DLG2: variants seen among roughly 807,000 people sequenced by gnomAD.
DLG2 encodes disks large homolog 2.
A neutral mutation model predicts 132.5 loss-of-function variants in DLG2; 45 were observed. The ratio of observed to expected loss-of-function variants is 0.34; its 90% confidence interval spans 0.27 to 0.44. DLG2 has a LOEUF of 0.44. Ranked by LOEUF, DLG2 falls within the 20% of genes least tolerant of loss-of-function variation. DLG2 has a pLI of 1.00. For synonymous variants in DLG2, 424 were observed against 419.6 expected (o/e 1.01, Z -0.13); for missense variants, 1,045 against 1,196.9 (o/e 0.87, Z 1.87).
intron 6 of DLG2, among the ~76,000 whole-genome samples, chr11:84,802,098 TAA>T (rs567012280): frequency 1.5e-5 from 2 of 132,876 alleles, no homozygotes; most frequent in Admixed American, 7.7e-5. Flanking sequence ...TACTTTTAGT[TAA>T]AAAAAAAAAG....
chr11:83,949,849 G>A (rs7924381), intron 14 of DLG2, among the ~76,000 whole-genome samples: 29,400 of 151,924 alleles, frequency 0.19, 4,001 homozygotes, highest in African/African-American at 0.39. Flanking sequence ...AAATACTAGA[G>A]TTGAAAAAAA....
chr11:84,786,254 G>A (rs2072875499), intron 6 of DLG2, among the ~76,000 whole-genome samples: 1 of 151,984 alleles, frequency 6.6e-6, no homozygotes, highest in Non-Finnish European at 1.5e-5. Flanking sequence ...CCTCAATTTT[G>A]TACCTGAAAA....
At chr11:85,073,746 T>C (rs963901246) in intron 6 of DLG2, among the ~76,000 whole-genome samples, 4 of 151,868 alleles carry the variant, frequency 2.6e-5, no homozygotes, top group East Asian at 1.9e-4. Context: ...AATCCCACTA[T>C]TGGGCATATA....
intron 18 of DLG2, among the ~76,000 whole-genome samples, chr11:83,737,343 G>C (rs1050846947): frequency 7.9e-5 from 12 of 152,154 alleles, no homozygotes; most frequent in Admixed American, 5.9e-4. Flanking sequence ...AAAGTGAGTG[G>C]AGGAGAAAAG....
In DLG2 at chr11:84,042,265, C is replaced by T. The variant is rs150220554; in HGVS notation, c.919+17050G>A. ...TTCCTTTATGTGTCTTGTCTATTTT[C>T]AGAATCTATAGTCTTTAACTTTGAT... On this transcript the variant is annotated intron_variant, in intron 11 of 27. Coordinates refer to ENST00000376104, the MANE Select transcript of DLG2 (RefSeq NM_001142699.3). Among the ~76,000 whole-genome samples, 647 of 151,894 alleles carry T rather than the reference C, an allele frequency of 4.3e-3. 5 individuals carry two copies. The highest frequency in any genetic ancestry group is 0.015 in the African/African-American group (624 of 41,486).
intron 8 of DLG2, among the ~76,000 whole-genome samples, chr11:84,210,431 A>G (rs1275888435): frequency 1.3e-5 from 2 of 150,838 alleles, no homozygotes; most frequent in Non-Finnish European, 3.0e-5. Flanking sequence ...GATATACCTA[A>G]GGCTAGATGA....
chr11:83,807,291 A>T (rs941081845), intron 17 of DLG2, among the ~76,000 whole-genome samples: 1 of 152,104 alleles, frequency 6.6e-6, no homozygotes, highest in East Asian at 1.9e-4. Context: ...CATCAGAAAA[A>T]TTTTCCATTT....
Position 83,870,815 on chromosome 11 carries a change from G to T in DLG2, c.1565+3605C>A, listed in dbSNP as rs11820598. Among the ~76,000 whole-genome samples, 5 of 152,218 alleles carry T rather than the reference G, an allele frequency of 3.3e-5. No individual in the cohort carries two copies. The South Asian group carries it at 8.3e-4, about 25-fold the overall frequency. On this transcript the variant is annotated intron_variant, in intron 16 of 27. Coordinates refer to ENST00000376104, the MANE Select transcript of DLG2 (RefSeq NM_001142699.3). The stretch of plus-strand genomic sequence containing the variant: ...TCTCTGAGTTTTCCGGGTTTGGCTA[G>T]GCAGATCTGCTCTTTGCTGAGCTGT...
chr11:85,306,058 T>A (rs538129667), intron 3 of DLG2, among the ~76,000 whole-genome samples: 2 of 152,334 alleles, frequency 1.3e-5, no homozygotes, highest in South Asian at 4.1e-4. Flanking sequence ...TTAATTTCTA[T>A]GAGATTCAAT....
chr11:84,672,692 A>G (rs1457290329), intron 6 of DLG2, among the ~76,000 whole-genome samples: 1 of 152,116 alleles, frequency 6.6e-6, no homozygotes, highest in Non-Finnish European at 1.5e-5. Context: ...TTTCCCTCTC[A>G]TTCTTCCCTG....
rs1565260880 is a variant in DLG2, at chr11:83,833,678, A to G, written c.1658T>C (p.Phe553Ser). The change falls in exon 17 of 28, where the codon TTC (phenylalanine) becomes TCC (serine). Residue 553 changes from phenylalanine (F) to serine (S), a missense_variant. Phe to Ser is a radical substitution (Grantham distance 155). Transcript: ENST00000376104. ...GEDGEGIFVS[F>S]ILAGGPADLS... ...GTCTGCTGGTCCACCAGCCAGAATGAAGGACACAAAAATACCTTCTCCATC... is the reference window on the plus strand; with the variant it reads ...GTCTGCTGGTCCACCAGCCAGAATGGAGGACACAAAAATACCTTCTCCATC... 1 of 1,614,068 alleles carries G rather than the reference A, an allele frequency of 6.2e-7. No individual in the cohort carries two copies. Among genetic ancestry groups the G allele is most frequent in the Non-Finnish European group, 8.5e-7 (1 of 1,179,968 alleles).
At chr11:85,027,784 C>A (rs983238958) in intron 6 of DLG2, among the ~76,000 whole-genome samples, 4 of 152,202 alleles carry the variant, frequency 2.6e-5, no homozygotes, top group African/African-American at 9.6e-5. Flanking sequence ...CACCAGGAAC[C>A]AAAGAGCCCC....
At chr11:83,484,011 C>T in intron 22 of DLG2, 118 bp downstream of exon 22, 1 of 787,748 alleles carries the variant, frequency 1.3e-6, no homozygotes, top group Non-Finnish European at 2.2e-6. Context: ...CCTGCCCTGC[C>T]TGCCTGCTGT....
At chr11:85,529,555 T>C (rs1448370404) in intron 3 of DLG2, among the ~76,000 whole-genome samples, 1 of 152,142 alleles carries the variant, frequency 6.6e-6, no homozygotes, top group East Asian at 1.9e-4. Context: ...CATCATGCTT[T>C]AAAAAGTTCC....
At chr11:84,671,177 C>CTGCCT (rs962698441) in intron 6 of DLG2, among the ~76,000 whole-genome samples, 1 of 151,940 alleles carries the variant, frequency 6.6e-6, no homozygotes, top group African/African-American at 2.4e-5. Flanking sequence ...TCACTGCAGC[C>CTGCCT]TGCCTTGACC....
rs1222486667 is a variant in DLG2 at position 84,307,695 on chromosome 11, C to CAAAAAAAAAAAAA, written c.520-56417_520-56405dup. Among the ~76,000 whole-genome samples, 201 of 77,948 alleles carry CAAAAAAAAAAAAA rather than the reference C, an allele frequency of 2.6e-3. 11 individuals carry two copies. Among genetic ancestry groups the CAAAAAAAAAAAAA allele is most frequent in the African/African-American group, 9.6e-3 (178 of 18,464 alleles). 51.1% of individuals were successfully genotyped at this position (77,948 alleles called of 152,430 possible). A position where few individuals can be genotyped will look rare whatever the true frequency, so the allele number is the denominator to read the frequency against. On this transcript the variant is annotated intron_variant, in intron 7 of 27. Transcript: ENST00000376104. ...TGGGTGAAAGAGCGAGACGCAGTCT[C>CAAAAAAAAAAAAA]AAAAAAAAAAAAAAAAAAAAAGAAG...
intron 6 of DLG2, among the ~76,000 whole-genome samples, chr11:84,599,118 G>A (rs1169473477): frequency 2.6e-5 from 4 of 152,094 alleles, no homozygotes; most frequent in Non-Finnish European, 5.9e-5. Context: ...GATGGTGCAT[G>A]CCTGTAATTC....
intron 16 of DLG2, among the ~76,000 whole-genome samples, chr11:83,853,392 T>A (rs11607326): frequency 0.22 from 34,007 of 152,012 alleles, 5,183 homozygotes; most frequent in African/African-American, 0.43. Context: ...ACACTCTATC[T>A]TTTTATCCAT....
At chr11:84,221,880 C>A (rs1173269279) in intron 8 of DLG2, among the ~76,000 whole-genome samples, 1 of 151,850 alleles carries the variant, frequency 6.6e-6, no homozygotes, top group African/African-American at 2.4e-5. Flanking sequence ...GAAATATATA[C>A]ACAATTATAT....
Sources: gnomAD v4.1 joint callset for allele counts (sites outside exome capture counted in the v4.1 genomes callset) on GRCh38, gnomAD v4.1.1 for gene constraint, MANE v1.5 for transcripts, NCBI Gene and HGNC (gene_info 2026-07-23, HGNC 2026-07-21) for gene names.